Variants in CSMD1 observed in about 807,000 individuals in gnomAD.
CSMD1 encodes the protein CUB and sushi domain-containing protein 1.
In CSMD1, 213 loss-of-function variants were observed where a neutral mutation model predicts 417.5. The ratio of observed to expected loss-of-function variants is 0.51; its 90% CI spans 0.46 to 0.57. The LOEUF (loss-of-function observed/expected upper bound fraction) is 0.57, where lower values mean the gene tolerates loss of function less well. Among genes scored for constraint, CSMD1 ranks in the 20% least tolerant of loss-of-function variants. The pLI is 0.00. For missense variants in CSMD1, 6,923 were observed against 4,529.7 expected (o/e 1.53, Z -15.17); for synonymous variants, 2,862 against 1,736.8 (o/e 1.65, Z -16.11).
chr8:4,890,417 C>A (rs1000214921), intron 1 of CSMD1, among the ~76,000 whole-genome samples: 16 of 150,324 alleles, frequency 1.1e-4, no homozygotes, highest in East Asian at 2.0e-4. Context: ...CAGGTGAGAG[C>A]GTGACTCCGA....
chr8:4,680,992 G>GAC (rs1806015249), intron 1 of CSMD1, among the ~76,000 whole-genome samples: 1 of 151,674 alleles, frequency 6.6e-6, no homozygotes, highest in African/African-American at 2.4e-5. Context: ...GAGAGAGAGA[G>GAC]AGAGAGAGAG....
In CSMD1 at chr8:3,424,701, A is replaced by G. The variant is rs141421576; in HGVS notation, c.1562-15096T>C. Among the ~76,000 whole-genome samples the G allele has an allele frequency of 4.1e-3, 627 of 152,346 alleles. 3 individuals carry two copies. Among genetic ancestry groups the G allele is most frequent in the South Asian group, 0.024 (114 of 4,832 alleles). ...TGATCTTACTTCCTTTGCCATTTCT[A>G]TCAGGAAGGAATTGTCCTTCTTGAT... On this transcript the variant is annotated intron_variant, in intron 12 of 69. Coordinates refer to ENST00000635120, the MANE Select transcript of CSMD1 (RefSeq NM_033225.6).
At chr8:3,984,631 A>G (rs1814166442) in intron 5 of CSMD1, among the ~76,000 whole-genome samples, 1 of 149,392 alleles carries the variant, frequency 6.7e-6, no homozygotes, top group Non-Finnish European at 1.5e-5. Flanking sequence ...TCATTTGAAC[A>G]AAATGCCAAG....
chr8:4,443,451 T>C (rs944000391), intron 2 of CSMD1, among the ~76,000 whole-genome samples: 7 of 152,250 alleles, frequency 4.6e-5, no homozygotes, highest in African/African-American at 1.7e-4. Context: ...CTGAATTGTA[T>C]GATGCAATCA....
intron 10 of CSMD1, among the ~76,000 whole-genome samples, chr8:3,548,196 C>A (rs957178810): frequency 6.6e-6 from 1 of 152,136 alleles, no homozygotes; most frequent in African/African-American, 2.4e-5. Flanking sequence ...ATTCCTTTGC[C>A]TTCCTCAAGC....
intron 31 of CSMD1, 117 bp from the exon 32 acceptor site, chr8:3,201,842 GT>G: frequency 8.4e-6 from 3 of 358,648 alleles, no homozygotes; most frequent in African/African-American, 5.6e-5. Context: ...TAAGAATTTG[GT>G]AAAAAAATAA....
At chr8:4,550,765 G>A (rs576393611) in intron 2 of CSMD1, among the ~76,000 whole-genome samples, 8 of 152,180 alleles carry the variant, frequency 5.3e-5, no homozygotes, top group South Asian at 4.2e-4. Flanking sequence ...TTCTGAGCCC[G>A]GAGGCAGTTT....
intron 2 of CSMD1, among the ~76,000 whole-genome samples, chr8:4,525,194 C>G (rs930455446): frequency 6.6e-6 from 1 of 152,042 alleles, no homozygotes; most frequent in Non-Finnish European, 1.5e-5. Context: ...TGCCACAACC[C>G]CCACCTACCA....
chr8:4,287,772 G>A (rs188359568), intron 3 of CSMD1, among the ~76,000 whole-genome samples: 3 of 151,882 alleles, frequency 2.0e-5, no homozygotes. Context: ...CCGGTCGGTT[G>A]AGCGAGTTGG....
chr8:3,995,806 T>C (rs1170943830), intron 5 of CSMD1, among the ~76,000 whole-genome samples: 1 of 152,186 alleles, frequency 6.6e-6, no homozygotes, highest in African/African-American at 2.4e-5. Flanking sequence ...CATGGCTATT[T>C]GAAGAGAGCA....
At chr8:3,784,503 A>G (rs1799340870) in intron 5 of CSMD1, among the ~76,000 whole-genome samples, 1 of 152,152 alleles carries the variant, frequency 6.6e-6, no homozygotes, top group Admixed American at 6.5e-5. Flanking sequence ...TTATTTTTGG[A>G]CTTGCTAGAA....
intron 3 of CSMD1, among the ~76,000 whole-genome samples, chr8:4,406,476 G>T (rs888898039): frequency 6.6e-6 from 1 of 152,112 alleles, no homozygotes; most frequent in African/African-American, 2.4e-5. Context: ...CATCCTCTGG[G>T]CATTAATTAG....
At chr8:4,295,969 G>A (rs1205848931) in intron 3 of CSMD1, among the ~76,000 whole-genome samples, 3 of 151,134 alleles carry the variant, frequency 2.0e-5, no homozygotes, top group Admixed American at 1.3e-4. Flanking sequence ...ACATTTTCCT[G>A]AAAAAAACAA....
intron 3 of CSMD1, among the ~76,000 whole-genome samples, chr8:4,393,475 G>T (rs1329842681): frequency 6.6e-6 from 1 of 152,152 alleles, no homozygotes; most frequent in Non-Finnish European, 1.5e-5. Flanking sequence ...ATTATGTTGA[G>T]ATGGCAGCAG....
intron 2 of CSMD1, among the ~76,000 whole-genome samples, chr8:4,455,620 T>A (rs1430242305): frequency 6.6e-6 from 1 of 151,770 alleles, no homozygotes; most frequent in Non-Finnish European, 1.5e-5. Context: ...ATTTTCTCTT[T>A]CAGGAGGAAA....
chr8:3,271,948 G>C (rs1185476695), intron 26 of CSMD1, among the ~76,000 whole-genome samples: 4 of 152,208 alleles, frequency 2.6e-5, no homozygotes, highest in African/African-American at 4.8e-5. Context: ...GATCCCATTT[G>C]TCAATTTTGG....
chr8:4,325,742 G>A (rs566711672), intron 3 of CSMD1, among the ~76,000 whole-genome samples: 1 of 152,180 alleles, frequency 6.6e-6, no homozygotes, highest in Non-Finnish European at 1.5e-5. Context: ...GAGAAGGCGT[G>A]AATGTTATTC....
At chr8:3,824,922 C>T (rs1020374339) in intron 5 of CSMD1, among the ~76,000 whole-genome samples, 1 of 152,160 alleles carries the variant, frequency 6.6e-6, no homozygotes, top group Non-Finnish European at 1.5e-5. Flanking sequence ...TTAATTAGCA[C>T]CATAAAAACC....
At position 3,285,037 on chromosome 8, in the gene CSMD1, A is replaced by T. The variant is rs57337567; in HGVS notation, c.3951-691T>A. 8.6e-3 allele frequency among the ~76,000 whole-genome samples: 1,313 copies of T among 152,262 alleles called. 18 individuals carry two copies. Among genetic ancestry groups the T allele is most frequent in the African/African-American group, 0.03 (1,235 of 41,548 alleles). ...CTCACATTCAGAGGCAGCAGGATCT[A>T]TGTAGTCCTATTTAGGGCCATTGAA... On this transcript the variant is annotated intron_variant, in intron 25 of 69. Transcript: ENST00000635120.
Sources: allele counts gnomAD v4.1 joint callset (sites outside exome capture counted in the v4.1 genomes callset), GRCh38; gene constraint gnomAD v4.1.1; transcripts MANE v1.5; gene names NCBI Gene and HGNC (gene_info 2026-07-23, HGNC 2026-07-21).